MYO1H: variants seen among roughly 807,000 people sequenced by gnomAD.
The protein encoded by MYO1H is unconventional myosin-Ih.
Under a neutral mutation model 149.3 loss-of-function variants are expected in MYO1H, and 118 were observed. The ratio of observed to expected loss-of-function variants is 0.79; its 90% CI spans 0.68 to 0.92. The LOEUF (loss-of-function observed/expected upper bound fraction) is 0.92. Ranked by LOEUF, MYO1H falls within the 40% of genes least tolerant of loss-of-function variation. MYO1H has a pLI of 0.00. For synonymous variants in MYO1H, 447 were observed against 465.2 expected (o/e 0.96, Z 0.50); for missense variants, 1,212 against 1,280.7 (o/e 0.95, Z 0.82).
At chr12:109,327,065 T>C in the MYO1H span, among the ~76,000 whole-genome samples, 2 of 151,882 alleles carry the variant, frequency 1.3e-5, no homozygotes, top group Non-Finnish European at 2.9e-5. Flanking sequence ...TCTTCCTTTA[T>C]GCTACAGTAG....
At chr12:109,379,616 A>G (rs1388006716) in intron 1 of MYO1H, among the ~76,000 whole-genome samples, 1 of 152,218 alleles carries the variant, frequency 6.6e-6, no homozygotes, top group Non-Finnish European at 1.5e-5. Context: ...CAAAAAAGAC[A>G]AGATTGAAAA....
the MYO1H span, among the ~76,000 whole-genome samples, chr12:109,317,972 A>T: frequency 7.2e-5 from 11 of 152,208 alleles, no homozygotes; most frequent in East Asian, 1.7e-3. Context: ...CTTTGTCGTC[A>T]TGGTTATCAA....
At chr12:109,398,741 C>CAA (rs35031072) in intron 5 of MYO1H, among the ~76,000 whole-genome samples, 14,722 of 51,312 alleles carry the variant, frequency 0.29, 2,249 homozygotes, top group East Asian at 0.37. Flanking sequence ...AACTTCCTCT[C>CAA]AAAAAAAAAA....
intron 7 of MYO1H, 125 bp from the exon 8 acceptor site, chr12:109,405,797 T>C: frequency 1.4e-6 from 1 of 690,642 alleles, no homozygotes; most frequent in East Asian, 2.8e-5. Flanking sequence ...TGGGCTCAGG[T>C]GTGGAATTGG....
chr12:109,439,542 G>T (rs1270642313), intron 23 of MYO1H, 89 bp from the exon 24 acceptor site: 40 of 1,193,594 alleles, frequency 3.4e-5, no homozygotes, highest in Non-Finnish European at 4.5e-5. Flanking sequence ...CTACCACTTT[G>T]GCCGCCTCTG....
intron 14 of MYO1H, among the ~76,000 whole-genome samples, chr12:109,412,467 A>AT (rs1870715426): frequency 1.3e-5 from 2 of 152,148 alleles, no homozygotes; most frequent in African/African-American, 4.8e-5. Context: ...CACAAGTATG[A>AT]TTTTTTAAAA....
the MYO1H span, among the ~76,000 whole-genome samples, chr12:109,329,838 G>A: frequency 6.6e-6 from 1 of 152,296 alleles, no homozygotes; most frequent in East Asian, 1.9e-4. Flanking sequence ...CTACACACTT[G>A]GACGATAGTA....
intron 1 of MYO1H, among the ~76,000 whole-genome samples, chr12:109,362,308 G>A (rs1473640232): frequency 6.6e-6 from 1 of 152,202 alleles, no homozygotes; most frequent in Non-Finnish European, 1.5e-5. Flanking sequence ...TAGTTTTGAT[G>A]TGAAGTCTGA....
At chr12:109,337,749 G>A in the MYO1H span, among the ~76,000 whole-genome samples, 1 of 152,230 alleles carries the variant, frequency 6.6e-6, no homozygotes, top group South Asian at 2.1e-4. Flanking sequence ...TATCATAGGG[G>A]TTTGACTTCT....
chr12:109,359,185 T>A (rs1868682479), intron 1 of MYO1H: 1 of 152,034 alleles, frequency 6.6e-6, no homozygotes. Context: ...GCCTCATAGC[T>A]CGTGGGGAAC....
At chr12:109,446,491 C>T (rs994049081) in intron 31 of MYO1H, 4 of 984,502 alleles carry the variant, frequency 4.1e-6, no homozygotes, top group African/African-American at 1.7e-5. Flanking sequence ...AGGCCCGGCG[C>T]GGTGGCTCAC....
intron 27 of MYO1H, among the ~76,000 whole-genome samples, chr12:109,442,797 T>C (rs60151725): frequency 0.32 from 33,622 of 103,736 alleles, 4,071 homozygotes; most frequent in African/African-American, 0.45. Context: ...TGTCTGCTCT[T>C]TTTTTTTTTT....
chr12:109,371,820 A>G (rs1204922505), intron 1 of MYO1H, among the ~76,000 whole-genome samples: 2 of 152,202 alleles, frequency 1.3e-5, no homozygotes, highest in Non-Finnish European at 2.9e-5. Context: ...ACACTTACTG[A>G]GAGTATGTTC....
intron 5 of MYO1H, among the ~76,000 whole-genome samples, chr12:109,399,666 C>T (rs1263700579): frequency 6.6e-6 from 1 of 151,030 alleles, no homozygotes; most frequent in African/African-American, 2.4e-5. Flanking sequence ...AATCCCAGCA[C>T]TTTGGGAGGT....
intron 1 of MYO1H, among the ~76,000 whole-genome samples, chr12:109,352,595 T>C (rs1464726272): frequency 6.6e-6 from 1 of 152,174 alleles, no homozygotes; most frequent in East Asian, 1.9e-4. Context: ...ATTATTTTTC[T>C]CCCCGACATG....
chr12:109,375,355 G>A (rs544873464), intron 1 of MYO1H, among the ~76,000 whole-genome samples: 3 of 152,118 alleles, frequency 2.0e-5, no homozygotes, highest in East Asian at 3.9e-4. Context: ...GTTTTGCCAT[G>A]TTGCCCACAC....
intron 14 of MYO1H, among the ~76,000 whole-genome samples, chr12:109,413,861 G>C (rs1870782098): frequency 6.6e-6 from 1 of 152,106 alleles, no homozygotes; most frequent in Non-Finnish European, 1.5e-5. Flanking sequence ...AGTGAGCCGA[G>C]ATTGCGCCAC....
At chr12:109,415,882 A>G (rs1027053563) in intron 15 of MYO1H, among the ~76,000 whole-genome samples, 1 of 151,894 alleles carries the variant, frequency 6.6e-6, no homozygotes, top group Admixed American at 6.6e-5. Context: ...ATATATTCAG[A>G]GTTGTGAAAA....
intron 20 of MYO1H, among the ~76,000 whole-genome samples, chr12:109,434,012 C>CTTTTTATT (rs1223634641): frequency 2.0e-5 from 3 of 152,032 alleles, no homozygotes; most frequent in Admixed American, 6.6e-5. Flanking sequence ...CTGTGATCTT[C>CTTTTTATT]TTTTTATTTT....
Sources: allele counts gnomAD v4.1 joint callset (sites outside exome capture counted in the v4.1 genomes callset), GRCh38; gene constraint gnomAD v4.1.1; transcripts MANE v1.5; gene names NCBI Gene and HGNC (gene_info 2026-07-23, HGNC 2026-07-21).